The following SDR42E2 variants were observed in gnomAD, a reference collection of about 807,000 sequenced individuals.
SDR42E2 encodes the protein putative short-chain dehydrogenase/reductase family 42E member 2.
A neutral mutation model predicts 10.5 loss-of-function variants in SDR42E2; 20 were observed. The ratio of observed to expected loss-of-function variants is 1.90; its 90% CI spans 1.34 to 2.77. The LOEUF is 2.77. SDR42E2 is among the 30% of genes most tolerant of loss of function. The pLI is 0.00. For missense variants in SDR42E2, 162 were observed against 104.2 expected (o/e 1.55, Z -2.42); for synonymous variants, 72 against 39.2 (o/e 1.84, Z -3.12).
intron 4 of SDR42E2, among the ~76,000 whole-genome samples, chr16:22,168,127 G>A (rs1196718607): frequency 2.0e-5 from 3 of 152,020 alleles, no homozygotes; most frequent in Non-Finnish European, 4.4e-5. Context: ...AGGTGTGGTG[G>A]CTCACACCTG....
At chr16:22,172,069 C>T (rs1231345509) in intron 6 of SDR42E2, among the ~76,000 whole-genome samples, 187 bp from the exon 7 acceptor site, 3 of 152,180 alleles carry the variant, frequency 2.0e-5, no homozygotes, top group Non-Finnish European at 2.9e-5. Context: ...TGCTCCTCTG[C>T]TCCTGTGGCT....
chr16:22,184,350 C>G, intron 11 of SDR42E2, 106 bp downstream of exon 11: 1 of 387,840 alleles, frequency 2.6e-6, no homozygotes, highest in East Asian at 3.7e-5. Flanking sequence ...GCCTGTAATC[C>G]TAGCACTTTG....
At position 22,171,219 on chromosome 16, in the gene SDR42E2, T is replaced by C. The variant is rs575879226; in HGVS notation, c.513+268T>C. 3.3e-5 allele frequency among the ~76,000 whole-genome samples: 5 copies of C among 152,112 alleles called. No homozygotes were observed. In the South Asian group the frequency reaches 8.3e-4, roughly 25 times the overall value. ...ACCCTGAGCAAATCACTTAAGCCCT[T>C]TGAGCCTGTTTTTTTTTCTTTTCTT... On this transcript the variant is annotated intron_variant, in intron 6 of 12. Transcript: ENST00000602312.
intron 12 of SDR42E2, among the ~76,000 whole-genome samples, chr16:22,187,704 A>G (rs779910029): frequency 1.3e-5 from 2 of 152,078 alleles, no homozygotes; most frequent in Non-Finnish European, 2.9e-5. Context: ...CATAATAATG[A>G]TGATGCAGGT....
chr16:22,166,760 GC>G (rs963432232), intron 3 of SDR42E2, 143 bp from the exon 4 acceptor site: 12 of 445,584 alleles, frequency 2.7e-5, no homozygotes, highest in Middle Eastern at 5.7e-4. Context: ...AGTGAATCCT[GC>G]CCCACCAGCC....
chr16:22,188,164 AG>A (rs2046748437), intron 12 of SDR42E2, among the ~76,000 whole-genome samples: 1 of 152,256 alleles, frequency 6.6e-6, no homozygotes, highest in Admixed American at 6.5e-5. Context: ...TAAGTTAAAA[AG>A]GTCAAAAAAA....
At chr16:22,182,305 G>T (rs192792666) in intron 10 of SDR42E2, 28 bp downstream of exon 10, 1 of 400,782 alleles carries the variant, frequency 2.5e-6, no homozygotes, top group Non-Finnish European at 4.4e-6. Flanking sequence ...CACCCACCCC[G>T]AATGATCATT....
Position 22,171,145 on chromosome 16 carries a change from A to C in SDR42E2, c.513+194A>C, listed in dbSNP as rs558919489. Among the ~76,000 whole-genome samples, 29 of 152,332 alleles carry C rather than the reference A, an allele frequency of 1.9e-4. No homozygotes were observed. In the South Asian group the frequency reaches 5.2e-3, roughly 27 times the overall value. Reference sequence around the variant, plus strand: ...ACCTGCAGGGGCATTGAAATCAGACAGGTCTGGCCTTAGCCTCAACCTGGC... The same window carrying C: ...ACCTGCAGGGGCATTGAAATCAGACCGGTCTGGCCTTAGCCTCAACCTGGC... On this transcript the variant is annotated intron_variant, in intron 6 of 12. Coordinates refer to ENST00000602312, the MANE Select transcript of SDR42E2 (RefSeq NM_001394319.2).
At position 22,175,766 on chromosome 16, in the gene SDR42E2, G is replaced by C. The variant is rs1320214145; in HGVS notation, c.590-2364G>C. ...CCAGCACTTTGGGAGGCTGAGGTGG[G>C]TGGATCACCTGAGGTCAGGCATTCA... On this transcript the variant is annotated intron_variant, in intron 7 of 12. Transcript: ENST00000602312. Among the ~76,000 whole-genome samples, 3 of 152,090 alleles carry C rather than the reference G, an allele frequency of 2.0e-5. No individual in the cohort carries two copies. The South Asian group carries it at 6.2e-4, about 32-fold the overall frequency.
At chr16:22,168,006 G>A (rs2046558438) in intron 4 of SDR42E2, among the ~76,000 whole-genome samples, 1 of 152,168 alleles carries the variant, frequency 6.6e-6, no homozygotes, top group Non-Finnish European at 1.5e-5. Flanking sequence ...TCAGGAGTAG[G>A]AGGGAACCTT....
At position 22,178,159 on chromosome 16, in the gene SDR42E2, C is replaced by T. The variant is rs573251583; in HGVS notation, c.619C>T (p.Arg207Trp). 2.8e-5 allele frequency: 20 copies of T among 702,756 alleles called. 1 individual carries two copies. The highest frequency in any genetic ancestry group is 5.2e-5 in the African/African-American group (3 of 57,254). The allele number at this position is 702,756 out of a possible 1,614,324, so 43.5% of individuals were successfully genotyped here. A position where few individuals can be genotyped will look rare whatever the true frequency, so the allele number is the denominator to read the frequency against. ...GGGTLRTCVLRPPGIYGPEEQ... is the reference protein window; with the variant it reads ...GGGTLRTCVLWPPGIYGPEEQ... ...AGGCACTCTTCGGACGTGTGTGCTCCGGCCTCCAGGGATCTACGGCCCTGA... is the reference window on the plus strand; with the variant it reads ...AGGCACTCTTCGGACGTGTGTGCTCTGGCCTCCAGGGATCTACGGCCCTGA... The change falls in exon 8 of 13, where the codon CGG becomes TGG. Residue 207 changes from arginine (R) to tryptophan (W), a missense_variant. Transcript: ENST00000602312.
chr16:22,164,650 G>A (rs1488103504), intron 1 of SDR42E2, among the ~76,000 whole-genome samples: 1 of 152,198 alleles, frequency 6.6e-6, no homozygotes, highest in Non-Finnish European at 1.5e-5. Flanking sequence ...AGAACGTGTG[G>A]TACCAGCCAC....
chr16:22,191,223 C>G lies in SDR42E2; in HGVS notation c.*830C>G, dbSNP rs1264747434. The G allele has an allele frequency of 2.0e-5, 3 of 153,440 alleles. No individual in the cohort carries two copies. The highest frequency in any genetic ancestry group is 7.2e-5 in the African/African-American group (3 of 41,386). 9.5% of individuals were successfully genotyped at this position (153,440 alleles called of 1,614,324 possible). A position where few individuals can be genotyped will look rare whatever the true frequency, so the allele number is the denominator to read the frequency against. ...ATTCTCCCTCATTCTGGTTTCGCCC[C>G]CTTTCTGGTCCTCCCCGCGCGCTTG... On this transcript the variant is annotated 3_prime_UTR_variant, in exon 13 of 13. Transcript: ENST00000602312.
In SDR42E2 at chr16:22,179,063, G is replaced by A. The variant is rs542418059; in HGVS notation, c.672+851G>A. Among the ~76,000 whole-genome samples, 59 of 152,168 alleles carry A rather than the reference G, an allele frequency of 3.9e-4. 2 individuals are homozygous for A. Among genetic ancestry groups the A allele is most frequent in the Middle Eastern group, 6.8e-3 (2 of 294 alleles). ...GGCAAGAGTGCAATGGTGTGATCAT[G>A]GCTCACTGCAGCCTCCACCTCCTGG... On this transcript the variant is annotated intron_variant, in intron 8 of 12. Transcript: ENST00000602312.
chr16:22,167,165 ATTTTTTTTTT>A (rs534502295), intron 4 of SDR42E2, among the ~76,000 whole-genome samples, 166 bp downstream of exon 4: 11 of 37,726 alleles, frequency 2.9e-4, no homozygotes, highest in African/African-American at 1.5e-3. Context: ...CAGTTCTGCC[ATTTTTTTTTT>A]TTTTTTTTTT....
intron 10 of SDR42E2, among the ~76,000 whole-genome samples, chr16:22,182,644 G>C (rs1398564741): frequency 2.0e-5 from 3 of 152,152 alleles, no homozygotes; most frequent in Non-Finnish European, 4.4e-5. Flanking sequence ...CACTGTGCTC[G>C]GCCTGCGGCC....
intron 4 of SDR42E2, among the ~76,000 whole-genome samples, chr16:22,168,416 C>G (rs1350605755): frequency 1.3e-5 from 2 of 151,904 alleles, no homozygotes; most frequent in African/African-American, 4.8e-5. Context: ...CAGTTGCACG[C>G]CACCACACCT....
chr16:22,184,634 G>C (rs2046723083), intron 11 of SDR42E2, among the ~76,000 whole-genome samples: 1 of 152,050 alleles, frequency 6.6e-6, no homozygotes, highest in Non-Finnish European at 1.5e-5. Flanking sequence ...AAGAAACTCA[G>C]GCAGGACCAG....
In SDR42E2 at chr16:22,166,946, G is replaced by A. The variant is rs1187738227; in HGVS notation, c.283G>A (p.Gly95Arg). ...AGAAGCCCTGTACCGTGCCTTCGAA[G>A]GGGTGGACTGTGTCTTCCACGTGGC... Reference protein sequence around the residue: ...DEEALYRAFEGVDCVFHVASY... With the variant: ...DEEALYRAFERVDCVFHVASY... The change falls in exon 4 of 13, where the codon GGG becomes AGG. Residue 95 changes from glycine (G) to arginine (R), a missense_variant. Coordinates refer to ENST00000602312, the MANE Select transcript of SDR42E2 (RefSeq NM_001394319.2). 1 of 701,712 alleles carries A rather than the reference G, an allele frequency of 1.4e-6. No homozygotes were observed. Among genetic ancestry groups the A allele is most frequent in the Non-Finnish European group, 2.6e-6 (1 of 384,116 alleles). The allele number at this position is 701,712 out of a possible 1,614,324, so 43.5% of individuals were successfully genotyped here.
Sources: allele counts gnomAD v4.1 joint callset (sites outside exome capture counted in the v4.1 genomes callset), GRCh38; gene constraint gnomAD v4.1.1; transcripts MANE v1.5; gene names NCBI Gene and HGNC (gene_info 2026-07-23, HGNC 2026-07-21).